Variants in PCDHGA9 observed in about 807,000 individuals in gnomAD.
The protein encoded by PCDHGA9 is protocadherin gamma subfamily A, 9, also known as protocadherin gamma-A9.
PCDHGA9 carries 37 observed loss-of-function variants against 62.5 expected under a neutral mutation model. The observed-to-expected ratio is 0.59, with a 90% confidence interval of 0.46 to 0.78. The LOEUF (loss-of-function observed/expected upper bound fraction) is 0.78. Among genes scored for constraint, PCDHGA9 ranks in the 30% least tolerant of loss-of-function variants. PCDHGA9 has a pLI of 0.00. For missense variants in PCDHGA9, 1,138 were observed against 1,166.2 expected, an observed-to-expected ratio of 0.98 and a Z score of 0.35; for synonymous variants, 459 against 484.6, an observed-to-expected ratio of 0.95 and a Z score of 0.69.
At chr5:141,510,028 C>A (rs962629835) in intron 3 of PCDHGA9, among the ~76,000 whole-genome samples, 1 of 152,164 alleles carries the variant, frequency 6.6e-6, no homozygotes, top group Non-Finnish European at 1.5e-5. Context: ...GCTGGCTGGG[C>A]TGTTATGTAG....
Position 141,491,636 on chromosome 5 carries a change from C to T in PCDHGA9, c.2425-3171C>T. ...AGACCCCTCAGCGTTCAGCAGCCCA[C>T]AGCTCTGGCGCTGGAGCCTGACGCC... On this transcript the variant is annotated intron_variant, in intron 1 of 3. Coordinates refer to ENST00000573521, the MANE Select transcript of PCDHGA9 (RefSeq NM_018921.3). This position sits in a 1 kb window ranked among gnomAD's most constrained non-coding sequence, Gnocchi z 6.9. 6.2e-7 allele frequency: 1 copy of T among 1,613,922 alleles called. No homozygotes were observed. Among genetic ancestry groups the T allele is most frequent in the Non-Finnish European group, 8.5e-7 (1 of 1,180,020 alleles).
chr5:141,495,430 C>T (rs1189953474), intron 2 of PCDHGA9, among the ~76,000 whole-genome samples: 3 of 152,220 alleles, frequency 2.0e-5, no homozygotes, highest in Admixed American at 2.0e-4. Context: ...TCCCACTGTC[C>T]TCTGCCCCTA....
Position 141,430,964 on chromosome 5 carries a change from A to G in PCDHGA9, c.2424+25588A>G, listed in dbSNP as rs547574367. The G allele has an allele frequency of 7.3e-5, 117 of 1,612,860 alleles. No homozygotes were observed. The South Asian group carries it at 1.2e-3, about 17-fold the overall frequency. On this transcript the variant is annotated intron_variant, in intron 1 of 3. Coordinates refer to ENST00000573521, the MANE Select transcript of PCDHGA9 (RefSeq NM_018921.3). The stretch of plus-strand genomic sequence containing the variant: ...GGAGCGCGGAGTCCGCATCATCCCC[A>G]GAGGTAGGACGCAGCTTTTCGCCCT...
At position 141,489,586 on chromosome 5, in the gene PCDHGA9, C is replaced by T; in HGVS notation, c.2425-5221C>T. 1 of 1,614,082 alleles carries T rather than the reference C, an allele frequency of 6.2e-7. No individual in the cohort carries two copies. The highest frequency in any genetic ancestry group is 8.5e-7 in the Non-Finnish European group (1 of 1,179,988). On this transcript the variant is annotated intron_variant, in intron 1 of 3. Coordinates refer to ENST00000573521, the MANE Select transcript of PCDHGA9 (RefSeq NM_018921.3). This position sits in a 1 kb window ranked among gnomAD's most constrained non-coding sequence, Gnocchi z 4.5. ...GGTGGTGACTGAACACCCCCTGGAG[C>T]TAATCCGTGTAGAGGTAGAGATCCT...
At position 141,487,505 on chromosome 5, in the gene PCDHGA9, G is replaced by GTA; in HGVS notation, c.2425-7302_2425-7301insTA. The GTA allele has an allele frequency of 1.2e-6, 2 of 1,614,200 alleles. No homozygotes were observed. The highest frequency in any genetic ancestry group is 1.7e-6 in the Non-Finnish European group (2 of 1,180,032). ...TCATGGCTGTACACCCTTGGCTTCTGCACCCACTCGGAGTGATAGCTTCAT... is the reference window on the plus strand; with the variant it reads ...TCATGGCTGTACACCCTTGGCTTCTGTACACCCACTCGGAGTGATAGCTTCAT... On this transcript the variant is annotated intron_variant, in intron 1 of 3. Coordinates refer to ENST00000573521, the MANE Select transcript of PCDHGA9 (RefSeq NM_018921.3). This position sits in a 1 kb window ranked among gnomAD's most constrained non-coding sequence, Gnocchi z 5.0.
intron 1 of PCDHGA9, chr5:141,415,749 T>C: frequency 8.2e-7 from 1 of 1,214,000 alleles, no homozygotes; most frequent in Non-Finnish European, 1.1e-6. Flanking sequence ...GGTTTTTTTT[T>C]TTTTTTTTTT....
intron 1 of PCDHGA9, chr5:141,441,986 C>A (rs2098288559): frequency 1.1e-5 from 3 of 269,098 alleles, no homozygotes; most frequent in South Asian, 7.5e-5. Context: ...GAATGCGCAC[C>A]GACGAGGTGC....
intron 1 of PCDHGA9, chr5:141,427,254 G>A (rs1013561568): frequency 1.8e-5 from 8 of 456,644 alleles, no homozygotes; most frequent in Non-Finnish European, 2.6e-5. Flanking sequence ...GGATGGTGGA[G>A]GCATGACCAG....
At chr5:141,414,099 A>C in intron 1 of PCDHGA9, 3 of 1,593,504 alleles carry the variant, frequency 1.9e-6, no homozygotes, top group Non-Finnish European at 8.5e-7. Flanking sequence ...TAAAAATATC[A>C]GAAAATCTAG....
intron 2 of PCDHGA9, among the ~76,000 whole-genome samples, chr5:141,495,968 CTGTTACTCTTTCTT>C (rs1033811907): frequency 6.6e-6 from 1 of 152,126 alleles, no homozygotes; most frequent in African/African-American, 2.4e-5. Context: ...GCCTCTTTCT[CTGTTACTCTTTCTT>C]TATCTCTCTT....
Position 141,491,140 on chromosome 5 carries a change from T to A in PCDHGA9, c.2425-3667T>A, listed in dbSNP as rs1392575961. On this transcript the variant is annotated intron_variant, in intron 1 of 3. Coordinates refer to ENST00000573521, the MANE Select transcript of PCDHGA9 (RefSeq NM_018921.3). This position sits in a 1 kb window ranked among gnomAD's most constrained non-coding sequence, Gnocchi z 6.9. ...TGGTGAGGTGCGCACAGCCCGGGCC[T>A]TACTGGAGGATGACTCTGACACCCA... 2 of 1,614,110 alleles carry A rather than the reference T, an allele frequency of 1.2e-6. No individual in the cohort carries two copies. Among genetic ancestry groups the A allele is most frequent in the Non-Finnish European group, 1.7e-6 (2 of 1,179,992 alleles).
intron 2 of PCDHGA9, among the ~76,000 whole-genome samples, chr5:141,500,901 G>A (rs984072329): frequency 7.6e-5 from 11 of 144,582 alleles, no homozygotes; most frequent in African/African-American, 2.6e-4. Flanking sequence ...AGACAGTCTC[G>A]CTCTGTCTCC....
At position 141,494,854 on chromosome 5, in the gene PCDHGA9, C is replaced by T. The variant is rs1353498253; in HGVS notation, c.2472C>T (p.Pro824=). ...TDWRFSQAQR[P]GTSGSQNGDD... The stretch of plus-strand genomic sequence containing the variant: ...GGCGTTTCTCTCAGGCCCAGAGACC[C>T]GGCACCAGCGGGTAGGTGACTGATT... The change falls in exon 2 of 4, where the codon CCC becomes CCT. Residue 824 remains proline (P), a synonymous_variant. Coordinates refer to ENST00000573521, the MANE Select transcript of PCDHGA9 (RefSeq NM_018921.3). 1.2e-6 allele frequency: 2 copies of T among 1,614,120 alleles called. No homozygotes were observed. Among genetic ancestry groups the T allele is most frequent in the East Asian group, 2.2e-5 (1 of 44,870 alleles).
intron 1 of PCDHGA9, among the ~76,000 whole-genome samples, chr5:141,445,553 A>T (rs948468877): frequency 1.3e-5 from 2 of 152,252 alleles, no homozygotes; most frequent in Non-Finnish European, 1.5e-5. Context: ...ATACAAAAGC[A>T]CTAAGAGAAA....
rs368795324 is a variant in PCDHGA9 at position 141,404,524 on chromosome 5, G to A, written c.1572G>A (p.Gln524=). The change falls in exon 1 of 4, where the codon CAG becomes CAA. Residue 524 remains glutamine (Q), a synonymous_variant. Coordinates refer to ENST00000573521, the MANE Select transcript of PCDHGA9 (RefSeq NM_018921.3). ...CTCTGTGCTCCTTTGACTATGAGCAGTTTAGAGATTTGCAAATGCAGGTGA... is the reference window on the plus strand; with the variant it reads ...CTCTGTGCTCCTTTGACTATGAGCAATTTAGAGATTTGCAAATGCAGGTGA... The part of the protein sequence containing the change: ...LYALCSFDYE[Q]FRDLQMQVTA... The A allele has an allele frequency of 1.2e-6, 2 of 1,613,820 alleles. No homozygotes were observed. Among genetic ancestry groups the A allele is most frequent in the African/African-American group, 1.3e-5 (1 of 74,940 alleles).
At chr5:141,427,198 T>G (rs1345851173) in intron 1 of PCDHGA9, 1 of 456,584 alleles carries the variant, frequency 2.2e-6, no homozygotes, top group African/African-American at 2.0e-5. Flanking sequence ...AAAGACTTAA[T>G]AGACTTCGAA....
At chr5:141,423,660 G>A (rs765304048) in intron 1 of PCDHGA9, 1 of 1,560,482 alleles carries the variant, frequency 6.4e-7, no homozygotes, top group Admixed American at 1.9e-5. Flanking sequence ...CAAGTAATCA[G>A]GTGAGATTTA....
intron 1 of PCDHGA9, chr5:141,414,597 C>G: frequency 6.2e-7 from 1 of 1,613,972 alleles, no homozygotes; most frequent in South Asian, 1.1e-5. Context: ...GGGGTGCCTC[C>G]ATCTTCTCAG....
rs1156927948 is a variant in PCDHGA9, at chr5:141,490,342, G to A, written c.2425-4465G>A. 16 of 1,614,126 alleles carry A rather than the reference G, an allele frequency of 9.9e-6. 1 individual carries two copies. In the Admixed American group the frequency reaches 1.3e-4, roughly 13 times the overall value. ...CCTAGAGAGCACACCAGTGGGCACA[G>A]TAGTGGGGTTGTTTAATGTGCGAGA... On this transcript the variant is annotated intron_variant, in intron 1 of 3. Coordinates refer to ENST00000573521, the MANE Select transcript of PCDHGA9 (RefSeq NM_018921.3). This position sits in a 1 kb window ranked among gnomAD's most constrained non-coding sequence, Gnocchi z 5.4.
Sources: allele counts gnomAD v4.1 joint callset (sites outside exome capture counted in the v4.1 genomes callset), GRCh38; gene constraint gnomAD v4.1.1; non-coding constraint Gnocchi (gnomAD v3.1); transcripts MANE v1.5; gene names NCBI Gene and HGNC (gene_info 2026-07-23, HGNC 2026-07-21).